MAP2: variants seen among roughly 807,000 people sequenced by gnomAD.
MAP2 encodes the protein microtubule associated protein 2, also known as microtubule-associated protein 2.
In MAP2, 14 loss-of-function variants were observed where a neutral mutation model predicts 137.6. The ratio of observed to expected loss-of-function variants is 0.10; its 90% CI spans 0.07 to 0.16. The LOEUF (loss-of-function observed/expected upper bound fraction) is 0.16. MAP2 is among the 10% of genes least tolerant of loss of function. MAP2 has a pLI of 1.00. For missense variants in MAP2, 2,088 were observed against 2,191.5 expected, an observed-to-expected ratio of 0.95 and a Z score of 0.94; for synonymous variants, 786 against 782.3, an observed-to-expected ratio of 1.00 and a Z score of -0.08.
At chr2:209,572,257 A>G (rs1186703069) in intron 2 of MAP2, among the ~76,000 whole-genome samples, 2 of 152,184 alleles carry the variant, frequency 1.3e-5, no homozygotes, top group East Asian at 1.9e-4. Flanking sequence ...CATCCTTCTC[A>G]TTGCAGTACA....
chr2:209,599,022 C>T (rs2153455518), intron 3 of MAP2, among the ~76,000 whole-genome samples: 1 of 152,234 alleles, frequency 6.6e-6, no homozygotes, highest in Middle Eastern at 3.4e-3. Context: ...GGAATCTCCA[C>T]ACTGACTTCC....
At chr2:209,561,388 C>T (rs902851783) in intron 2 of MAP2, among the ~76,000 whole-genome samples, 3 of 152,110 alleles carry the variant, frequency 2.0e-5, no homozygotes, top group African/African-American at 7.2e-5. Flanking sequence ...ATAAAGAATC[C>T]ATTACATACG....
At chr2:209,679,402 C>CAGAT (rs139758748) in intron 6 of MAP2, among the ~76,000 whole-genome samples, 31,587 of 151,208 alleles carry the variant, frequency 0.21, 5,094 homozygotes, top group African/African-American at 0.45. Context: ...TGTATATAGG[C>CAGAT]AGATAGATAG....
At chr2:209,571,103 A>T (rs886833422) in intron 2 of MAP2, among the ~76,000 whole-genome samples, 20 of 152,012 alleles carry the variant, frequency 1.3e-4, no homozygotes, top group Admixed American at 1.3e-3. Flanking sequence ...ACACATAATC[A>T]TATAGTCTTT....
At chr2:209,562,691 T>G (rs1252366745) in intron 2 of MAP2, among the ~76,000 whole-genome samples, 1 of 151,442 alleles carries the variant, frequency 6.6e-6, no homozygotes, top group Non-Finnish European at 1.5e-5. Flanking sequence ...GGTGAGACTC[T>G]GTCAAAAAAA....
chr2:209,570,624 G>T (rs773691525), intron 2 of MAP2, among the ~76,000 whole-genome samples: 4 of 151,848 alleles, frequency 2.6e-5, no homozygotes, highest in Admixed American at 6.6e-5. Flanking sequence ...AGGCATTATA[G>T]TATAATGATG....
chr2:209,696,237 GAGA>G lies in MAP2; in HGVS notation c.4071_4073del (p.Glu1358del). 1 of 1,613,620 alleles carries G rather than the reference GAGA, an allele frequency of 6.2e-7. No homozygotes were observed. Among genetic ancestry groups the G allele is most frequent in the Non-Finnish European group, 8.5e-7 (1 of 1,179,868 alleles). On this transcript the variant is annotated inframe_deletion, in exon 8 of 16. Transcript: ENST00000682079. ...CCAGAGGCTCCAGCTTCCCCTGAGA[GAGA>G]AGAGGTTGCACTTTCTGAATATAAG...
chr2:209,447,190 TG>T (rs762277168), intron 1 of MAP2, among the ~76,000 whole-genome samples: 34 of 152,082 alleles, frequency 2.2e-4, no homozygotes, highest in Non-Finnish European at 3.8e-4. Context: ...ACATCCTTTT[TG>T]TTCAGACCCA....
Position 209,734,105 on chromosome 2 carries a change from T to C in MAP2, c.*3708T>C, listed in dbSNP as rs2076136339. ...TTGTTTTGCAAAATAAAATTGCTTG[T>C]CACCTAACTGCTAGTTTTGGTTTCA... On this transcript the variant is annotated 3_prime_UTR_variant, in exon 16 of 16. Transcript: ENST00000682079. 1 of 152,580 alleles carries C rather than the reference T, an allele frequency of 6.6e-6. No homozygotes were observed. The highest frequency in any genetic ancestry group is 2.4e-5 in the African/African-American group (1 of 41,430). The allele number at this position is 152,580 out of a possible 1,614,324, so 9.5% of individuals were successfully genotyped here. A position where few individuals can be genotyped will look rare whatever the true frequency, so the allele number is the denominator to read the frequency against.
At chr2:209,564,849 C>G (rs990384087) in intron 2 of MAP2, among the ~76,000 whole-genome samples, 21 of 152,238 alleles carry the variant, frequency 1.4e-4, no homozygotes, top group Middle Eastern at 3.4e-3. Context: ...CTCCTGCCCC[C>G]ACATGCCCTC....
chr2:209,707,540 G>A (rs1382508430), intron 12 of MAP2, among the ~76,000 whole-genome samples: 1 of 151,980 alleles, frequency 6.6e-6, no homozygotes, highest in African/African-American at 2.4e-5. Context: ...CCGCCCAAGA[G>A]GAAGGAAATC....
At chr2:209,582,281 A>C (rs1270313648) in intron 3 of MAP2, among the ~76,000 whole-genome samples, 1 of 152,108 alleles carries the variant, frequency 6.6e-6, no homozygotes. Context: ...TTTCTAATAA[A>C]TAATAATTAG....
chr2:209,575,514 A>G (rs1414338458), intron 2 of MAP2, among the ~76,000 whole-genome samples: 12 of 109,862 alleles, frequency 1.1e-4, no homozygotes, highest in African/African-American at 1.5e-4. Context: ...GTGAGACTCC[A>G]TCTCAAAAAA....
chr2:209,662,818 G>A (rs1582726916), intron 5 of MAP2, among the ~76,000 whole-genome samples: 3 of 150,922 alleles, frequency 2.0e-5, no homozygotes, highest in East Asian at 1.9e-4. Context: ...GTTATATTTC[G>A]GAGTATTTTC....
chr2:209,733,800 ACT>A lies in MAP2; in HGVS notation c.*3408_*3409del, dbSNP rs1023812116. 4.6e-5 allele frequency: 7 copies of A among 152,410 alleles called. No individual in the cohort carries two copies. The highest frequency in any genetic ancestry group is 1.5e-4 in the African/African-American group (6 of 41,378). 9.4% of individuals were successfully genotyped at this position (152,410 alleles called of 1,614,324 possible). A position where few individuals can be genotyped will look rare whatever the true frequency, so the allele number is the denominator to read the frequency against. On this transcript the variant is annotated 3_prime_UTR_variant, in exon 16 of 16. Transcript: ENST00000682079. ...CTTGGGTGTGTAGGTGAAGGCCAAG[ACT>A]CTCTGCAGGAAAAAGCTTATTTTCA... is the stretch of plus-strand genomic sequence containing the variant.
chr2:209,607,578 G>A (rs963627704), intron 3 of MAP2, among the ~76,000 whole-genome samples: 2 of 152,104 alleles, frequency 1.3e-5, no homozygotes, highest in South Asian at 4.1e-4. Flanking sequence ...GGGATTACAG[G>A]CACCTGCCAA....
chr2:209,704,707 A>G lies in MAP2; in HGVS notation c.4585-873A>G. ...TAGAACCTAATTCAGGAAATGTATG[A>G]AAGCAAATACTTTACTCTGAAGTGT... is the stretch of plus-strand genomic sequence containing the variant. On this transcript the variant is annotated intron_variant, in intron 11 of 15. Coordinates refer to ENST00000682079, the MANE Select transcript of MAP2 (RefSeq NM_001375505.1). 3 of 1,253,252 alleles carry G rather than the reference A, an allele frequency of 2.4e-6. No individual in the cohort carries two copies. The South Asian group carries it at 5.7e-5, about 24-fold the overall frequency. 77.6% of individuals were successfully genotyped at this position (1,253,252 alleles called of 1,614,324 possible).
intron 3 of MAP2, among the ~76,000 whole-genome samples, chr2:209,597,384 T>G (rs2081563199): frequency 6.6e-6 from 1 of 152,172 alleles, no homozygotes. Flanking sequence ...TACCAATCAG[T>G]TACCAAGTTC....
chr2:209,606,611 C>T (rs1559397219), intron 3 of MAP2, among the ~76,000 whole-genome samples: 1 of 152,084 alleles, frequency 6.6e-6, no homozygotes, highest in Non-Finnish European at 1.5e-5. Context: ...AGGTAATTAA[C>T]ATCTCTCTAT....
Sources: allele counts gnomAD v4.1 joint callset (sites outside exome capture counted in the v4.1 genomes callset), GRCh38; gene constraint gnomAD v4.1.1; transcripts MANE v1.5; gene names NCBI Gene and HGNC (gene_info 2026-07-23, HGNC 2026-07-21).